Variants in MYO1B observed in about 807,000 individuals in gnomAD.
MYO1B encodes unconventional myosin-Ib.
MYO1B carries 72 observed loss-of-function variants against 159.7 expected under a neutral mutation model. The ratio of observed to expected loss-of-function variants is 0.45; its 90% CI spans 0.37 to 0.55. The LOEUF (loss-of-function observed/expected upper bound fraction) is 0.55. Ranked by LOEUF, MYO1B falls within the 20% of genes least tolerant of loss-of-function variation. The pLI is 0.00. For synonymous variants in MYO1B, 468 were observed against 473.8 expected, an observed-to-expected ratio of 0.99 and a Z score of 0.16; for missense variants, 1,062 against 1,364.8, an observed-to-expected ratio of 0.78 and a Z score of 3.50.
chr2:191,309,161 G>C (rs1299818791), intron 3 of MYO1B, among the ~76,000 whole-genome samples: 1 of 152,170 alleles, frequency 6.6e-6, no homozygotes, highest in African/African-American at 2.4e-5. Flanking sequence ...TCACACCTTA[G>C]CACGCTTCAA....
In MYO1B at chr2:191,416,256, T is replaced by C. The variant is rs759023810; in HGVS notation, c.3287+14T>C. On this transcript the variant is annotated intron_variant, in intron 30 of 30. Coordinates refer to ENST00000392318, the MANE Select transcript of MYO1B (RefSeq NM_001130158.3). ...GATTTCCGATGAGTACGTTCATGTA[T>C]TGTTTGAAAACCCTTTTTCTCTTTC... 1.9e-6 allele frequency: 3 copies of C among 1,614,032 alleles called. No individual in the cohort carries two copies. The highest frequency in any genetic ancestry group is 2.5e-6 in the Non-Finnish European group (3 of 1,180,000).
At chr2:191,270,596 A>G (rs1196989156) in intron 1 of MYO1B, among the ~76,000 whole-genome samples, 2 of 152,194 alleles carry the variant, frequency 1.3e-5, no homozygotes, top group Admixed American at 1.3e-4. Flanking sequence ...ATTCGGTGCT[A>G]TTTTAAAAGA....
chr2:191,355,180 G>A (rs1693191022), intron 7 of MYO1B, among the ~76,000 whole-genome samples: 1 of 152,204 alleles, frequency 6.6e-6, no homozygotes, highest in Non-Finnish European at 1.5e-5. Context: ...TGAACTGCTA[G>A]ACATATGAGT....
At chr2:191,364,518 C>T (rs1693873633) in intron 11 of MYO1B, among the ~76,000 whole-genome samples, 1 of 105,432 alleles carries the variant, frequency 9.5e-6, no homozygotes, top group Non-Finnish European at 1.9e-5. Flanking sequence ...GCAAACTAGC[C>T]CGTGGTGTAT....
chr2:191,267,450 G>A (rs1050728892), intron 1 of MYO1B, among the ~76,000 whole-genome samples: 2 of 152,188 alleles, frequency 1.3e-5, no homozygotes, highest in African/African-American at 4.8e-5. Context: ...AGAAAATGAG[G>A]TGAGGGGTTT....
intron 2 of MYO1B, among the ~76,000 whole-genome samples, chr2:191,293,320 G>A (rs1022051422): frequency 9.2e-5 from 14 of 152,188 alleles, no homozygotes; most frequent in Non-Finnish European, 2.9e-5. Context: ...CAGTCTACCA[G>A]AGTCAAACGA....
chr2:191,352,890 G>A (rs746669256), intron 7 of MYO1B, among the ~76,000 whole-genome samples: 2 of 152,110 alleles, frequency 1.3e-5, no homozygotes, highest in East Asian at 3.9e-4. Flanking sequence ...TTCTTGTAGC[G>A]TAGAAAAGAA....
In MYO1B at chr2:191,421,574, C is replaced by T. The variant is rs533994651; in HGVS notation, c.3288-2263C>T. Among the ~76,000 whole-genome samples the T allele has an allele frequency of 1.1e-4, 16 of 152,248 alleles. No homozygotes were observed. In the East Asian group the frequency reaches 2.9e-3, roughly 28 times the overall value. On this transcript the variant is annotated intron_variant, in intron 30 of 30. Transcript: ENST00000392318. ...TGCAGCCTCCTCTGCCTCCTAGCTG[C>T]AAACGATTCCCCTGCCTCAGCTTCC...
chr2:191,265,597 C>T (rs1032054575), intron 1 of MYO1B, among the ~76,000 whole-genome samples: 5 of 152,100 alleles, frequency 3.3e-5, no homozygotes, highest in African/African-American at 4.8e-5. Flanking sequence ...AAATCAGAGT[C>T]GGGTGTGCCA....
chr2:191,326,809 T>C (rs1422075693), intron 3 of MYO1B, among the ~76,000 whole-genome samples: 10 of 140,654 alleles, frequency 7.1e-5, no homozygotes, highest in East Asian at 2.1e-4. Context: ...TGTGTGTGTG[T>C]GTGTGTGCGC....
At chr2:191,378,791 G>T (rs959629082) in intron 13 of MYO1B, among the ~76,000 whole-genome samples, 1 of 152,168 alleles carries the variant, frequency 6.6e-6, no homozygotes, top group African/African-American at 2.4e-5. Flanking sequence ...CGGGATTGGG[G>T]CAGTGTGGGA....
chr2:191,354,731 AGAGGTT>A (rs1693160281), intron 7 of MYO1B, among the ~76,000 whole-genome samples: 1 of 152,204 alleles, frequency 6.6e-6, no homozygotes, highest in Admixed American at 6.5e-5. Flanking sequence ...CAGTGTTCCA[AGAGGTT>A]GAGGAGGAAG....
intron 2 of MYO1B, among the ~76,000 whole-genome samples, chr2:191,280,137 A>G (rs1687971959): frequency 6.6e-6 from 1 of 152,192 alleles, no homozygotes; most frequent in East Asian, 1.9e-4. Flanking sequence ...ACGACTCTCT[A>G]GAACATTCAC....
At chr2:191,324,435 T>C (rs762958958) in intron 3 of MYO1B, among the ~76,000 whole-genome samples, 1 of 152,190 alleles carries the variant, frequency 6.6e-6, no homozygotes, top group Non-Finnish European at 1.5e-5. Context: ...CTAGGGATTA[T>C]AATATACCTT....
intron 1 of MYO1B, among the ~76,000 whole-genome samples, chr2:191,252,130 T>C (rs140830894): frequency 4.9e-4 from 74 of 152,384 alleles, no homozygotes; most frequent in African/African-American, 1.8e-3. Context: ...ATTGGGCCTA[T>C]GCCAATTTGC....
chr2:191,350,073 A>T (rs941198608), intron 6 of MYO1B, 89 bp from the exon 7 acceptor site: 4 of 1,023,282 alleles, frequency 3.9e-6, no homozygotes, highest in Non-Finnish European at 6.0e-6. Flanking sequence ...ATGTATAAAA[A>T]TAAGGGCTTA....
At chr2:191,368,832 C>T (rs374153087) in intron 11 of MYO1B, among the ~76,000 whole-genome samples, 2 of 151,932 alleles carry the variant, frequency 1.3e-5, no homozygotes, top group African/African-American at 2.4e-5. Flanking sequence ...AAATTAGCCA[C>T]GCGTGGTGGC....
At chr2:191,369,141 C>T (rs544830486) in intron 11 of MYO1B, among the ~76,000 whole-genome samples, 8 of 152,120 alleles carry the variant, frequency 5.3e-5, no homozygotes, top group South Asian at 2.1e-4. Flanking sequence ...TCACATTACG[C>T]GAGCATTTCC....
intron 17 of MYO1B, chr2:191,387,905 T>TGA (rs1476264590): frequency 5.2e-6 from 1 of 194,022 alleles, no homozygotes; most frequent in Non-Finnish European, 1.1e-5. Flanking sequence ...GACATGCACT[T>TGA]TTTTCTTCCC....
Sources: gnomAD v4.1 joint callset for allele counts (sites outside exome capture counted in the v4.1 genomes callset) on GRCh38, gnomAD v4.1.1 for gene constraint, MANE v1.5 for transcripts, NCBI Gene and HGNC (gene_info 2026-07-23, HGNC 2026-07-21) for gene names.